MBD5: variants seen among roughly 807,000 people sequenced by gnomAD.
MBD5 encodes methyl-CpG-binding domain protein 5.
In MBD5, 13 loss-of-function variants were observed where a neutral mutation model predicts 117.3. That is an observed-to-expected ratio of 0.11 (90% confidence interval 0.07 to 0.18). MBD5 has a LOEUF of 0.18. MBD5 is among the 10% of genes least tolerant of loss of function. MBD5 has a pLI of 1.00. For synonymous variants in MBD5, 727 were observed against 766.4 expected, an observed-to-expected ratio of 0.95 and a Z score of 0.85; for missense variants, 1,879 against 2,093.8, an observed-to-expected ratio of 0.90 and a Z score of 2.00.
At chr2:148,177,775 T>C (rs1057252086) in intron 1 of MBD5, among the ~76,000 whole-genome samples, 2 of 152,184 alleles carry the variant, frequency 1.3e-5, no homozygotes, top group African/African-American at 4.8e-5. Flanking sequence ...ATTTTAAAAG[T>C]GTTTCAAGTG....
intron 1 of MBD5, among the ~76,000 whole-genome samples, chr2:148,172,244 A>T (rs1698280317): frequency 6.6e-6 from 1 of 152,204 alleles, no homozygotes; most frequent in African/African-American, 2.4e-5. Context: ...TCCCTGCGCT[A>T]TCAGAAGCCT....
intron 3 of MBD5, among the ~76,000 whole-genome samples, chr2:148,269,847 G>A (rs60868445): frequency 6.6e-6 from 1 of 151,480 alleles, no homozygotes; most frequent in Admixed American, 6.6e-5. Context: ...CAACCCTTTA[G>A]AATCAATCTT....
Position 148,483,177 on chromosome 2 carries a change from A to G in MBD5, c.2586A>G (p.Thr862=), listed in dbSNP as rs1681217813. 5 of 1,613,588 alleles carry G rather than the reference A, an allele frequency of 3.1e-6. No homozygotes were observed. The highest frequency in any genetic ancestry group is 1.3e-5 in the African/African-American group (1 of 74,854). Residue 862 remains threonine (T), a synonymous_variant, in exon 9 of 14, where the codon ACA becomes ACG. Transcript: ENST00000642680. Reference sequence around the variant, plus strand: ...ACCACCCTGCCATCACAAAGACAACATCTGTTCTTCAAGATGGCGTCATAG... The same window carrying G: ...ACCACCCTGCCATCACAAAGACAACGTCTGTTCTTCAAGATGGCGTCATAG... ...GTNHPAITKT[T]SVLQDGVIVT...
At chr2:148,260,257 A>G (rs1286602377) in intron 3 of MBD5, among the ~76,000 whole-genome samples, 1 of 152,170 alleles carries the variant, frequency 6.6e-6, no homozygotes, top group Non-Finnish European at 1.5e-5. Context: ...TTTTGTTGTC[A>G]TTTCAACAAT....
intron 2 of MBD5, among the ~76,000 whole-genome samples, chr2:148,228,669 G>T (rs1049370896): frequency 1.2e-4 from 19 of 152,204 alleles, no homozygotes; most frequent in African/African-American, 4.1e-4. Context: ...GATTGGAATA[G>T]TTTCAGAAGA....
intron 2 of MBD5, among the ~76,000 whole-genome samples, chr2:148,214,678 A>G (rs796910058): frequency 2.0e-5 from 3 of 152,258 alleles, no homozygotes; most frequent in African/African-American, 7.2e-5. Flanking sequence ...ACCCCATGTC[A>G]CAAGTAGATT....
chr2:148,217,219 A>T (rs1283030761), intron 2 of MBD5, among the ~76,000 whole-genome samples: 1 of 152,172 alleles, frequency 6.6e-6, no homozygotes, highest in East Asian at 1.9e-4. Flanking sequence ...GGTGAAGCGT[A>T]TGCCAGATGA....
At chr2:148,256,775 A>T (rs1700601368) in intron 3 of MBD5, among the ~76,000 whole-genome samples, 1 of 152,254 alleles carries the variant, frequency 6.6e-6, no homozygotes, top group South Asian at 2.1e-4. Flanking sequence ...CTGAAGGCTC[A>T]GGGTCTAGGG....
intron 4 of MBD5, among the ~76,000 whole-genome samples, chr2:148,426,328 G>A (rs1705784310): frequency 2.0e-5 from 3 of 152,220 alleles, no homozygotes; most frequent in Admixed American, 1.3e-4. Flanking sequence ...AACCAAAAAA[G>A]AGCCCGCATC....
chr2:148,424,450 C>G (rs887613368), intron 4 of MBD5, among the ~76,000 whole-genome samples: 8 of 151,230 alleles, frequency 5.3e-5, no homozygotes, highest in Non-Finnish European at 1.0e-4. Flanking sequence ...CTTTAACACC[C>G]CACTGTCAGC....
intron 2 of MBD5, among the ~76,000 whole-genome samples, chr2:148,218,886 G>A (rs1386310880): frequency 6.6e-6 from 1 of 152,180 alleles, no homozygotes; most frequent in East Asian, 1.9e-4. Context: ...GAGTGAATGC[G>A]AAGGCCTAGG....
At chr2:148,210,742 G>A (rs1228292297) in intron 2 of MBD5, among the ~76,000 whole-genome samples, 2 of 151,888 alleles carry the variant, frequency 1.3e-5, no homozygotes, top group African/African-American at 4.8e-5. Flanking sequence ...ATAAACATTG[G>A]TAATGTAAAC....
chr2:148,057,348 C>T (rs974778205), intron 1 of MBD5, among the ~76,000 whole-genome samples: 9 of 151,626 alleles, frequency 5.9e-5, no homozygotes, highest in Admixed American at 3.3e-4. Context: ...TAAGTACTTA[C>T]GGCCATTAAT....
intron 4 of MBD5, among the ~76,000 whole-genome samples, chr2:148,381,528 C>T (rs913080528): frequency 2.0e-5 from 3 of 152,166 alleles, no homozygotes; most frequent in African/African-American, 7.2e-5. Flanking sequence ...AGTTGGAAAA[C>T]ACTCTGCAGG....
At chr2:148,436,620 C>T (rs1706164713) in intron 4 of MBD5, among the ~76,000 whole-genome samples, 2 of 152,134 alleles carry the variant, frequency 1.3e-5, no homozygotes, top group South Asian at 4.1e-4. Context: ...GATCTGCCTG[C>T]CTCAGCCTCC....
chr2:148,158,235 T>C (rs1697919278), intron 1 of MBD5, among the ~76,000 whole-genome samples: 1 of 152,182 alleles, frequency 6.6e-6, no homozygotes, highest in Non-Finnish European at 1.5e-5. Flanking sequence ...TTTTTAATGA[T>C]ATGGGGAAGT....
intron 1 of MBD5, among the ~76,000 whole-genome samples, chr2:148,031,596 T>C (rs891943765): frequency 1.3e-5 from 2 of 152,168 alleles, no homozygotes; most frequent in Non-Finnish European, 2.9e-5. Context: ...TTTACTTTTA[T>C]GGTTCTAAAA....
Position 148,122,036 on chromosome 2 carries a change from T to G in MBD5, c.-924-56664T>G, listed in dbSNP as rs377544852. ...ACATTATGGAAACCCTTGCATATGATTTACTATCATCTGATAAGACTTGCA... is the reference window on the plus strand; with the variant it reads ...ACATTATGGAAACCCTTGCATATGAGTTACTATCATCTGATAAGACTTGCA... On this transcript the variant is annotated intron_variant, in intron 1 of 13. Transcript: ENST00000642680. Among the ~76,000 whole-genome samples, 80 of 152,294 alleles carry G rather than the reference T, an allele frequency of 5.3e-4. 1 individual carries two copies. The South Asian group carries it at 0.016, about 31-fold the overall frequency.
chr2:148,490,459 A>C lies in MBD5; in HGVS notation c.4827A>C (p.Ile1609=), dbSNP rs768275565. Residue 1609 remains isoleucine (I), a synonymous_variant, in exon 11 of 14, where the codon ATA becomes ATC. Transcript: ENST00000642680. The stretch of plus-strand genomic sequence containing the variant: ...ACTCCCCCTCTTCAAATGAATTGAT[A>C]CATTATAGACCAAGGACGTTCAATG... ...NPDSPSSNEL[I]HYRPRTFNVG... is the part of the protein sequence containing the mutation. 9 of 1,614,100 alleles carry C rather than the reference A, an allele frequency of 5.6e-6. No homozygotes were observed. The highest frequency in any genetic ancestry group is 7.6e-6 in the Non-Finnish European group (9 of 1,180,044).
Sources: allele counts gnomAD v4.1 joint callset (sites outside exome capture counted in the v4.1 genomes callset), GRCh38; gene constraint gnomAD v4.1.1; transcripts MANE v1.5; gene names NCBI Gene and HGNC (gene_info 2026-07-23, HGNC 2026-07-21).